SVEP1: variants seen among roughly 807,000 people sequenced by gnomAD.
SVEP1 encodes the protein sushi, von Willebrand factor type A, EGF and pentraxin domain-containing protein 1.
A neutral mutation model predicts 367.3 loss-of-function variants in SVEP1; 164 were observed. That is an observed-to-expected ratio of 0.45 (90% CI 0.39 to 0.51). The LOEUF is 0.51. Among genes scored for constraint, SVEP1 ranks in the 20% least tolerant of loss-of-function variants. The pLI, the probability that SVEP1 is intolerant of heterozygous loss-of-function variation, is 0.00. For missense variants in SVEP1, 4,117 were observed against 4,425.3 expected (o/e 0.93, Z 1.98); for synonymous variants, 1,666 against 1,611.6 (o/e 1.03, Z -0.81).
chr9:110,475,691 A>G (rs1829089363), intron 14 of SVEP1, among the ~76,000 whole-genome samples: 1 of 152,094 alleles, frequency 6.6e-6, no homozygotes, highest in Admixed American at 6.6e-5. Flanking sequence ...GTGTGCCACC[A>G]TGCCTGGCAA....
chr9:110,381,867 G>T (rs1827443516), intron 43 of SVEP1, among the ~76,000 whole-genome samples: 1 of 149,604 alleles, frequency 6.7e-6, no homozygotes, highest in African/African-American at 2.6e-5. Flanking sequence ...GAATTTGGGT[G>T]CTCCTGTACT....
intron 26 of SVEP1, among the ~76,000 whole-genome samples, chr9:110,444,389 C>T (rs972291677): frequency 3.3e-5 from 5 of 152,166 alleles, no homozygotes; most frequent in African/African-American, 7.2e-5. Context: ...TATGCTGGCA[C>T]CTTGATCTTG....
chr9:110,399,591 T>A (rs1827825128), intron 40 of SVEP1, among the ~76,000 whole-genome samples: 1 of 152,164 alleles, frequency 6.6e-6, no homozygotes, highest in African/African-American at 2.4e-5. Flanking sequence ...TGGAGTGCAA[T>A]GGTGCGATCT....
chr9:110,429,405 C>G (rs1249427602), intron 34 of SVEP1, 71 bp from the exon 35 acceptor site: 15 of 1,095,864 alleles, frequency 1.4e-5, no homozygotes, highest in Non-Finnish European at 1.7e-5. Context: ...GTGCCAAAAA[C>G]CTCTAAAAAT....
chr9:110,485,330 A>G (rs879106676), intron 9 of SVEP1, among the ~76,000 whole-genome samples: 1 of 152,218 alleles, frequency 6.6e-6, no homozygotes, highest in Non-Finnish European at 1.5e-5. Flanking sequence ...AAACTAATGC[A>G]GGAAGAAAAC....
At chr9:110,451,238 TG>T in intron 23 of SVEP1, 50 bp downstream of exon 23, 1 of 1,407,118 alleles carries the variant, frequency 7.1e-7, no homozygotes, top group Non-Finnish European at 1.0e-6. Flanking sequence ...TACTAATTTG[TG>T]GTGGTTTACA....
chr9:110,495,285 C>G (rs182109508), intron 8 of SVEP1, among the ~76,000 whole-genome samples: 1 of 152,140 alleles, frequency 6.6e-6, no homozygotes, highest in Non-Finnish European at 1.5e-5. Flanking sequence ...CCTGTGAACA[C>G]GTTGCCTTAC....
rs79499658 is a variant in SVEP1 at position 110,564,265 on chromosome 9, T to A, written c.532-14161A>T. Among the ~76,000 whole-genome samples, 691 of 152,318 alleles carry A rather than the reference T, an allele frequency of 4.5e-3. 5 individuals are homozygous for A. Among genetic ancestry groups the A allele is most frequent in the African/African-American group, 0.015 (643 of 41,568 alleles). On this transcript the variant is annotated intron_variant, in intron 1 of 47. Transcript: ENST00000374469. ...TGGGAGAATTCAAGTGTAAAAATAT[T>A]ACTGAGAAAGAAGAAAAATGTGATT...
chr9:110,461,158 T>TA (rs1488264833), intron 18 of SVEP1, among the ~76,000 whole-genome samples: 2 of 152,206 alleles, frequency 1.3e-5, no homozygotes, highest in Non-Finnish European at 2.9e-5. Flanking sequence ...TTAACAAAAC[T>TA]AAAAATGGCC....
At chr9:110,571,994 C>A (rs947327638) in intron 1 of SVEP1, among the ~76,000 whole-genome samples, 1 of 152,210 alleles carries the variant, frequency 6.6e-6, no homozygotes, top group Non-Finnish European at 1.5e-5. Flanking sequence ...CGTTTACATT[C>A]TCTGGGTTAC....
chr9:110,433,095 T>A (rs1356839134), intron 30 of SVEP1, among the ~76,000 whole-genome samples: 3 of 152,302 alleles, frequency 2.0e-5, no homozygotes. Flanking sequence ...ATGTGCCTAC[T>A]CTTGATGCCT....
At chr9:110,485,302 G>C (rs533100122) in intron 9 of SVEP1, among the ~76,000 whole-genome samples, 1 of 152,198 alleles carries the variant, frequency 6.6e-6, no homozygotes, top group Non-Finnish European at 1.5e-5. Context: ...GATGGAGCTG[G>C]AAGCCATTAT....
At chr9:110,525,475 A>G (rs1341550615) in intron 3 of SVEP1, among the ~76,000 whole-genome samples, 2 of 152,218 alleles carry the variant, frequency 1.3e-5, no homozygotes, top group Non-Finnish European at 2.9e-5. Context: ...AAAGTTCAAC[A>G]TGGTAAAAAT....
chr9:110,435,157 G>T, intron 29 of SVEP1, 84 bp downstream of exon 29: 1 of 1,494,294 alleles, frequency 6.7e-7, no homozygotes, highest in East Asian at 2.4e-5. Flanking sequence ...TGGACCGATA[G>T]AGAATTCTGA....
Position 110,432,645 on chromosome 9 carries a change from G to C in SVEP1, c.5060-10C>G. 6.3e-7 allele frequency: 1 copy of C among 1,591,834 alleles called. No homozygotes were observed. Among genetic ancestry groups the C allele is most frequent in the Non-Finnish European group, 8.5e-7 (1 of 1,172,500 alleles). The stretch of plus-strand genomic sequence containing the variant: ...ACCCCACAGCTAATGCCTGTAAGGT[G>C]ACCAGGAAGAAGACAACGACATTAA... On this transcript the variant is annotated splice_polypyrimidine_tract_variant and intron_variant, in intron 30 of 47. Coordinates refer to ENST00000374469, the MANE Select transcript of SVEP1 (RefSeq NM_153366.4).
chr9:110,496,876 T>C lies in SVEP1; in HGVS notation c.1739A>G (p.Gln580Arg), dbSNP rs1349192139. The C allele has an allele frequency of 6.4e-7, 1 of 1,557,922 alleles. No homozygotes were observed. The highest frequency in any genetic ancestry group is 2.4e-5 in the East Asian group (1 of 42,146). The part of the protein sequence containing the change: ...PKDIEAKTLE[Q>R]QDSANVTWQI... ...CCAGGTAACATTGGCAGAATCTTGC[T>C]GTTCCAGAGTCTTAGCCTCTATGTC... is the stretch of plus-strand genomic sequence containing the variant. Residue 580 changes from glutamine (Q) to arginine (R), a missense_variant, in exon 8 of 48, where the codon CAG (glutamine) becomes CGG (arginine). Physicochemically the swap from Gln to Arg is conservative, Grantham distance 43. Around this residue, in one of 4 missense-constraint regions of SVEP1, gnomAD observed 2,174 missense variants for 2,494.3 expected, o/e 0.87. Transcript: ENST00000374469.
rs1313737200 is a variant in SVEP1 at position 110,390,262 on chromosome 9, T to C, written c.9823-675A>G. Among the ~76,000 whole-genome samples, 24 of 58,722 alleles carry C rather than the reference T, an allele frequency of 4.1e-4. 2 individuals are homozygous for C. The highest frequency in any genetic ancestry group is 7.4e-4 in the Non-Finnish European group (21 of 28,374). 38.5% of individuals were successfully genotyped at this position (58,722 alleles called of 152,430 possible). A position where few individuals can be genotyped will look rare whatever the true frequency, so the allele number is the denominator to read the frequency against. ...ATGTGTATATATACTTATATAAGTA[T>C]GTATATATATACTTATATATATACA... On this transcript the variant is annotated intron_variant, in intron 40 of 47. Transcript: ENST00000374469.
At chr9:110,457,422 G>A in intron 20 of SVEP1, 70 bp from the exon 21 acceptor site, 2 of 1,259,236 alleles carry the variant, frequency 1.6e-6, no homozygotes, top group Non-Finnish European at 2.3e-6. Context: ...CCTGATTAGA[G>A]TCAGGTTTGC....
In SVEP1 at chr9:110,404,513, T is replaced by A; in HGVS notation, c.9480A>T (p.Thr3160=). Residue 3160 remains threonine, a synonymous_variant, in exon 39 of 48, where the codon ACA becomes ACT. Transcript: ENST00000374469. The stretch of plus-strand genomic sequence containing the variant: ...AGCGACCATCTTTCTGACAGGTGAA[T>A]GTATCTGTATCTGTATCCATCGTAT... ...EGYTMDTDTD[T]FTCQKDGRWF... 6.2e-7 allele frequency: 1 copy of A among 1,613,498 alleles called. No individual in the cohort carries two copies.
Sources: allele counts gnomAD v4.1 joint callset (sites outside exome capture counted in the v4.1 genomes callset), GRCh38; gene constraint gnomAD v4.1.1; regional missense constraint gnomAD v4.1.1; transcripts MANE v1.5; gene names NCBI Gene and HGNC (gene_info 2026-07-23, HGNC 2026-07-21).